C2CD3: variants seen among roughly 807,000 people sequenced by gnomAD.
C2CD3 encodes the protein C2 domain containing 3 centriole elongation regulator.
A neutral mutation model predicts 234.0 loss-of-function variants in C2CD3; 148 were observed. The observed-to-expected ratio is 0.63, with a 90% CI of 0.55 to 0.72. The LOEUF (loss-of-function observed/expected upper bound fraction) is 0.72, where lower values mean the gene tolerates loss of function less well. Ranked by LOEUF, C2CD3 falls within the 30% of genes least tolerant of loss-of-function variation. The pLI is 0.00. For synonymous variants in C2CD3, 1,000 were observed against 1,035.4 expected (o/e 0.97, Z 0.66); for missense variants, 2,577 against 2,811.5 (o/e 0.92, Z 1.89).
At chr11:74,143,531 A>G (rs1488676887) in intron 3 of C2CD3, among the ~76,000 whole-genome samples, 3 of 140,082 alleles carry the variant, frequency 2.1e-5, no homozygotes, top group Non-Finnish European at 4.7e-5. Context: ...TTTATTTTAT[A>G]TATTTATATA....
chr11:74,034,065 C>A lies in C2CD3; in HGVS notation c.6095G>T (p.Arg2032Ile), dbSNP rs140603198. ...PPLEETSNGG[R>I]MLHESLRHAV... ...ATGCCTCAGGGACTCATGGAGCATTCTTCCTCCATTTGAAGTCTCTTCGAG... is the reference window on the plus strand; with the variant it reads ...ATGCCTCAGGGACTCATGGAGCATTATTCCTCCATTTGAAGTCTCTTCGAG... Residue 2032 changes from arginine to isoleucine, a missense_variant, in exon 31 of 33, where the codon AGA becomes ATA. Transcript: ENST00000334126. 1 of 1,536,284 alleles carries A rather than the reference C, an allele frequency of 6.5e-7. No individual in the cohort carries two copies. The highest frequency in any genetic ancestry group is 2.0e-5 in the Admixed American group (1 of 50,996).
chr11:74,027,878 A>G (rs1952367562), intron 32 of C2CD3, among the ~76,000 whole-genome samples: 1 of 152,232 alleles, frequency 6.6e-6, no homozygotes, highest in Non-Finnish European at 1.5e-5. Context: ...GGTGTTTTGT[A>G]AATGGCAAAT....
chr11:74,143,793 C>T (rs1854973656), intron 3 of C2CD3, among the ~76,000 whole-genome samples: 1 of 151,878 alleles, frequency 6.6e-6, no homozygotes, highest in Non-Finnish European at 1.5e-5. Flanking sequence ...GTGATGCAGG[C>T]CTTAAAATAA....
At chr11:74,017,492 G>A in intron 32 of C2CD3, among the ~76,000 whole-genome samples, 1 of 152,212 alleles carries the variant, frequency 6.6e-6, no homozygotes, top group East Asian at 1.9e-4. Context: ...TTGCTGGGGA[G>A]AAAATGGAGC....
intron 7 of C2CD3, chr11:74,129,519 CG>C (rs1957561972): frequency 5.2e-6 from 1 of 190,994 alleles, no homozygotes; most frequent in Non-Finnish European, 1.1e-5. Context: ...GATGGGATGG[CG>C]GCCGGGAAGA....
At chr11:74,164,062 CAATTATAAGTCCACTACACTT>C (rs1406944080) in intron 2 of C2CD3, 1 of 431,448 alleles carries the variant, frequency 2.3e-6, no homozygotes, top group East Asian at 1.6e-4. Flanking sequence ...CAGTTCTATC[CAATTATAAGTCCACTACACTT>C]AATTATAAGT....
intron 24 of C2CD3, among the ~76,000 whole-genome samples, chr11:74,061,672 C>A (rs1954256631): frequency 6.6e-6 from 1 of 152,160 alleles, no homozygotes; most frequent in Non-Finnish European, 1.5e-5. Flanking sequence ...CACAAACATG[C>A]CAAATTGTAA....
intron 21 of C2CD3, 149 bp from the exon 22 acceptor site, chr11:74,085,119 CCAAT>C (rs1955581349): frequency 1.9e-6 from 1 of 527,692 alleles, no homozygotes; most frequent in Admixed American, 3.4e-5. Flanking sequence ...TGCTCATGCC[CCAAT>C]CAAAGCCTGA....
intron 30 of C2CD3, 175 bp from the exon 31 acceptor site, chr11:74,034,453 G>A (rs904263516): frequency 6.5e-7 from 1 of 1,544,330 alleles, no homozygotes; most frequent in Non-Finnish European, 8.7e-7. Context: ...ACAATTTTTA[G>A]TACTTTATTC....
chr11:74,114,623 A>C, intron 9 of C2CD3, 30 bp from the exon 10 acceptor site: 19 of 1,328,266 alleles, frequency 1.4e-5, no homozygotes, highest in Non-Finnish European at 2.0e-5. Context: ...GCAGTGAGGC[A>C]TACTGCTACA....
chr11:74,014,864 G>C (rs1951822018), intron 32 of C2CD3, among the ~76,000 whole-genome samples: 1 of 152,172 alleles, frequency 6.6e-6, no homozygotes, highest in African/African-American at 2.4e-5. Flanking sequence ...AGTGCCAAGG[G>C]AATGTCTACA....
intron 11 of C2CD3, among the ~76,000 whole-genome samples, chr11:74,112,646 T>A (rs1590836573): frequency 6.6e-6 from 1 of 152,270 alleles, no homozygotes; most frequent in South Asian, 2.1e-4. Context: ...AGGATCTGAA[T>A]AGACATTTCT....
chr11:74,100,900 T>C (rs752370506), intron 14 of C2CD3, among the ~76,000 whole-genome samples: 7 of 152,202 alleles, frequency 4.6e-5, no homozygotes, highest in Admixed American at 4.6e-4. Context: ...AGTTCTCTGA[T>C]GACAAAGCTC....
At chr11:74,105,307 G>A (rs1016183252) in intron 13 of C2CD3, among the ~76,000 whole-genome samples, 1 of 151,802 alleles carries the variant, frequency 6.6e-6, no homozygotes, top group Non-Finnish European at 1.5e-5. Flanking sequence ...GTCTTGCTCT[G>A]TCGCCCAGGC....
intron 24 of C2CD3, chr11:74,070,768 T>C (rs944052462): frequency 5.3e-5 from 8 of 152,366 alleles, no homozygotes; most frequent in Admixed American, 4.6e-4. Flanking sequence ...CTAATTAGTC[T>C]TTCCAGCCCC....
At chr11:74,073,873 C>T (rs970637307) in intron 24 of C2CD3, among the ~76,000 whole-genome samples, 8 of 152,278 alleles carry the variant, frequency 5.3e-5, no homozygotes, top group South Asian at 2.1e-4. Flanking sequence ...GAACTTTTCA[C>T]GGATCCCTTG....
Position 74,078,075 on chromosome 11 carries a change from G to A in C2CD3, c.4603+40C>T, listed in dbSNP as rs367764739. On this transcript the variant is annotated intron_variant, in intron 23 of 32. Transcript: ENST00000334126. ...TCACCTAGTGTTTGACACAGAGCAG[G>A]TGCTCAAACTACAAGAGTTGAATCA... 13 of 1,582,232 alleles carry A rather than the reference G, an allele frequency of 8.2e-6. No homozygotes were observed. In the Admixed American group the frequency reaches 1.4e-4, roughly 17 times the overall value.
intron 5 of C2CD3, among the ~76,000 whole-genome samples, chr11:74,137,581 A>T (rs12788025): frequency 0.066 from 9,906 of 149,410 alleles, 642 homozygotes; most frequent in African/African-American, 0.17. Flanking sequence ...ATATATATAT[A>T]TTTTTTCTTT....
At position 74,100,676 on chromosome 11, in the gene C2CD3, C is replaced by T. The variant is rs577467793; in HGVS notation, c.2581G>A (p.Val861Met). Residue 861 changes from valine (V) to methionine (M), a missense_variant and splice_region_variant, in exon 15 of 33, where the codon GTG becomes ATG. Val to Met is a conservative substitution (Grantham distance 21). Transcript: ENST00000334126. The part of the protein sequence containing the change: ...TTQPVFNFSQ[V>M]IPVSLSSKYL... ...TTGGAAGACAGAGAGACAGGAATCA[C>T]CTAAGAGAGAGGAACAACCAAAACA... The T allele has an allele frequency of 6.2e-7, 1 of 1,600,962 alleles. No individual in the cohort carries two copies. The highest frequency in any genetic ancestry group is 1.8e-5 in the Admixed American group (1 of 55,894).
Sources: allele counts gnomAD v4.1 joint callset (sites outside exome capture counted in the v4.1 genomes callset), GRCh38; gene constraint gnomAD v4.1.1; transcripts MANE v1.5; gene names NCBI Gene and HGNC (gene_info 2026-07-23, HGNC 2026-07-21).